Variants in FAM178B observed in about 807,000 individuals in gnomAD.
FAM178B encodes the protein protein FAM178B.
FAM178B carries 82 observed loss-of-function variants against 91.7 expected under a neutral mutation model. The ratio of observed to expected loss-of-function variants is 0.89; its 90% CI spans 0.75 to 1.07. The LOEUF is 1.07. Ranked by LOEUF, FAM178B falls within the 50% of genes least tolerant of loss-of-function variation. The probability of loss-of-function intolerance (pLI) is 0.00; values close to 1 mark genes in which losing one functional copy is unlikely to be tolerated. For synonymous variants in FAM178B, 368 were observed against 359.4 expected (o/e 1.02, Z -0.27); for missense variants, 769 against 846.7 (o/e 0.91, Z 1.14).
intron 8 of FAM178B, among the ~76,000 whole-genome samples, chr2:96,942,896 G>A (rs2081758243): frequency 6.6e-6 from 1 of 152,146 alleles, no homozygotes; most frequent in South Asian, 2.1e-4. Context: ...ATTCAATAGG[G>A]AAAGAACAGT....
chr2:96,936,377 A>G (rs1252380513), intron 8 of FAM178B, among the ~76,000 whole-genome samples: 1 of 149,346 alleles, frequency 6.7e-6, no homozygotes, highest in Non-Finnish European at 1.5e-5. Context: ...AAGTTTTTGT[A>G]TTTTTAGTAG....
chr2:96,919,647 G>A (rs2081299867), intron 12 of FAM178B, among the ~76,000 whole-genome samples: 1 of 152,052 alleles, frequency 6.6e-6, no homozygotes, highest in African/African-American at 2.4e-5. Flanking sequence ...GGGAGAACAG[G>A]GAATCAGGAG....
intron 12 of FAM178B, among the ~76,000 whole-genome samples, chr2:96,919,469 G>A (rs2081296712): frequency 6.6e-6 from 1 of 152,226 alleles, no homozygotes; most frequent in African/African-American, 2.4e-5. Context: ...GAAAGGAGGT[G>A]ACTGATTTAC....
intron 12 of FAM178B, among the ~76,000 whole-genome samples, chr2:96,919,508 G>A (rs1160730920): frequency 1.3e-5 from 2 of 152,234 alleles, no homozygotes; most frequent in Non-Finnish European, 2.9e-5. Flanking sequence ...TGGCTGTCAC[G>A]GAGTTGGATT....
rs1169914458 is a variant in FAM178B at position 96,923,608 on chromosome 2, G to A, written c.1194-25C>T. 7.2e-6 allele frequency: 11 copies of A among 1,537,960 alleles called. No homozygotes were observed. The East Asian group carries it at 1.7e-4, about 24-fold the overall frequency. On this transcript the variant is annotated intron_variant, in intron 9 of 16. Transcript: ENST00000490605. ...CCTGTGGTAAGACAACAACAGTGACGATGGGAAACCCAGGAGGGGGCACAG... is the reference window on the plus strand; with the variant it reads ...CCTGTGGTAAGACAACAACAGTGACAATGGGAAACCCAGGAGGGGGCACAG...
At chr2:96,970,572 G>T in intron 4 of FAM178B, 144 bp downstream of exon 4, 1 of 604,582 alleles carries the variant, frequency 1.7e-6, no homozygotes, top group Non-Finnish European at 2.9e-6. Context: ...CTGGCGACCT[G>T]CCTGTTACTG....
At chr2:96,949,193 C>T (rs747393789) in intron 7 of FAM178B, among the ~76,000 whole-genome samples, 21 of 152,302 alleles carry the variant, frequency 1.4e-4, no homozygotes, top group Middle Eastern at 6.8e-3. Context: ...GAGGAGTACA[C>T]GGGATCGAGT....
intron 8 of FAM178B, among the ~76,000 whole-genome samples, chr2:96,946,707 C>A (rs1397363936): frequency 6.6e-6 from 1 of 152,264 alleles, no homozygotes; most frequent in Non-Finnish European, 1.5e-5. Context: ...CATACCACTG[C>A]AGGGAGCAGG....
chr2:96,888,042 C>A (rs1377961048), intron 14 of FAM178B, among the ~76,000 whole-genome samples: 2 of 152,262 alleles, frequency 1.3e-5, no homozygotes, highest in Admixed American at 6.5e-5. Context: ...ATTTCTGGGA[C>A]CCAAACAAAG....
At chr2:96,967,367 G>C (rs1217061147) in intron 5 of FAM178B, among the ~76,000 whole-genome samples, 153 bp downstream of exon 5, 2 of 152,230 alleles carry the variant, frequency 1.3e-5, no homozygotes. Flanking sequence ...ATCAATGAGT[G>C]AATGTGGCTT....
At chr2:96,958,816 G>A (rs1339615289) in intron 6 of FAM178B, among the ~76,000 whole-genome samples, 6 of 143,336 alleles carry the variant, frequency 4.2e-5, no homozygotes, top group African/African-American at 1.0e-4. Flanking sequence ...TAATATCGAA[G>A]TTATGTCTAA....
At chr2:96,970,570 C>T (rs1574317283) in intron 4 of FAM178B, 146 bp downstream of exon 4, 1 of 556,542 alleles carries the variant, frequency 1.8e-6, no homozygotes, top group East Asian at 3.0e-5. Context: ...CCCTGGCGAC[C>T]TGCCTGTTAC....
chr2:96,960,496 G>A, intron 5 of FAM178B, 56 bp from the exon 6 acceptor site: 2 of 1,489,476 alleles, frequency 1.3e-6, no homozygotes, highest in Middle Eastern at 3.5e-4. Flanking sequence ...TCGGCCTGAG[G>A]CATGGCCATT....
rs1056703434 is a variant in FAM178B at position 96,976,665 on chromosome 2, C to T, written c.74-4059G>A. On this transcript the variant is annotated intron_variant, in intron 1 of 16. Transcript: ENST00000490605. The stretch of plus-strand genomic sequence containing the variant: ...TTCAAGACCAGCCTGGCCAACATGG[C>T]GAAACCCCATCTTTACTAAAAATAC... Among the ~76,000 whole-genome samples, 7 of 146,406 alleles carry T rather than the reference C, an allele frequency of 4.8e-5. No homozygotes were observed. In the Middle Eastern group the frequency reaches 0.013, roughly 275 times the overall value.
intron 16 of FAM178B, 41 bp from the exon 17 acceptor site, chr2:96,876,349 A>G (rs1173723799): frequency 1.9e-6 from 3 of 1,574,628 alleles, no homozygotes; most frequent in Non-Finnish European, 1.7e-6. Flanking sequence ...GCCTGGGCCC[A>G]GGTGCTGCCC....
chr2:96,930,210 C>CAAAAAAAAAA (rs60102987), intron 8 of FAM178B, among the ~76,000 whole-genome samples: 3 of 39,486 alleles, frequency 7.6e-5, no homozygotes, highest in African/African-American at 2.7e-4. Flanking sequence ...TCCGTCTCTC[C>CAAAAAAAAAA]AAAAAAAAAA....
intron 13 of FAM178B, among the ~76,000 whole-genome samples, chr2:96,896,237 T>G (rs888400774): frequency 3.3e-5 from 5 of 152,196 alleles, no homozygotes; most frequent in Non-Finnish European, 1.5e-5. Context: ...ACAGCACTCT[T>G]GCGATGCTTG....
At chr2:96,903,993 G>C (rs756977055) in intron 12 of FAM178B, among the ~76,000 whole-genome samples, 8 of 151,808 alleles carry the variant, frequency 5.3e-5, no homozygotes, top group Non-Finnish European at 1.2e-4. Flanking sequence ...GAGCCAACAC[G>C]AGCTGGGGCC....
At chr2:96,876,411 G>A (rs2080243036) in intron 16 of FAM178B, 103 bp from the exon 17 acceptor site, 3 of 1,430,906 alleles carry the variant, frequency 2.1e-6, no homozygotes, top group Admixed American at 4.0e-5. Flanking sequence ...CCCATCGCAG[G>A]CTCATGCCAG....
Sources: allele counts gnomAD v4.1 joint callset (sites outside exome capture counted in the v4.1 genomes callset), GRCh38; gene constraint gnomAD v4.1.1; transcripts MANE v1.5; gene names NCBI Gene and HGNC (gene_info 2026-07-23, HGNC 2026-07-21).